The following ATL2 variants were observed in gnomAD, a reference collection of about 807,000 sequenced individuals.
ATL2 encodes the protein atlastin GTPase 2.
ATL2 carries 31 observed loss-of-function variants against 73.9 expected under a neutral mutation model. The ratio of observed to expected loss-of-function variants is 0.42; its 90% CI spans 0.32 to 0.57. The LOEUF (loss-of-function observed/expected upper bound fraction) is 0.57. ATL2 is among the 20% of genes least tolerant of loss of function. ATL2 has a pLI of 0.14. For missense variants in ATL2, 738 were observed against 702.6 expected (o/e 1.05, Z -0.57); for synonymous variants, 291 against 237.5 (o/e 1.23, Z -2.07).
intron 12 of ATL2, chr2:38,296,480 T>G (rs1439591834): frequency 6.2e-7 from 1 of 1,607,766 alleles, no homozygotes. Context: ...TTAAAAATAC[T>G]GTCTAATTTT....
intron 10 of ATL2, 79 bp downstream of exon 10, chr2:38,300,193 T>G (rs1377893426): frequency 5.4e-6 from 7 of 1,291,670 alleles, no homozygotes; most frequent in African/African-American, 1.5e-5. Context: ...ATTTTCAGCA[T>G]TTCTCTCTAA....
intron 2 of ATL2, among the ~76,000 whole-genome samples, chr2:38,328,026 AGG>A (rs2148455706): frequency 6.6e-6 from 1 of 152,368 alleles, no homozygotes; most frequent in African/African-American, 2.4e-5. Flanking sequence ...AGACAGACAC[AGG>A]TTAGAAGTAA....
chr2:38,361,248 G>T (rs1328472448), intron 1 of ATL2, among the ~76,000 whole-genome samples: 2 of 151,510 alleles, frequency 1.3e-5, no homozygotes, highest in African/African-American at 4.9e-5. Flanking sequence ...CAGCTACTAG[G>T]GAGGCTGAGG....
In ATL2 at chr2:38,367,614, A is replaced by ACC. The variant is rs1397036416; in HGVS notation, c.118+9528_118+9529insGG. On this transcript the variant is annotated intron_variant, in intron 1 of 12. Coordinates refer to ENST00000378954, the MANE Select transcript of ATL2 (RefSeq NM_001135673.4). ...CATCTCAAAAAAAAAAAAAAAAAAA[A>ACC]AACCGCCCATTTAAAACAACTTTTT... is the stretch of plus-strand genomic sequence containing the variant. 6.1e-5 allele frequency among the ~76,000 whole-genome samples: 9 copies of ACC among 147,774 alleles called. 1 individual carries two copies. The highest frequency in any genetic ancestry group is 2.0e-4 in the Admixed American group (3 of 15,036).
chr2:38,347,767 CTTTT>C (rs1177228968), intron 1 of ATL2, among the ~76,000 whole-genome samples: 5 of 133,894 alleles, frequency 3.7e-5, no homozygotes, highest in Admixed American at 1.5e-4. Context: ...CTGCCCTTAC[CTTTT>C]TTTTTTTTTT....
In ATL2 at chr2:38,375,999, T is replaced by A. The variant is rs374209740; in HGVS notation, c.118+1144A>T. The A allele has an allele frequency of 2.8e-4, 359 of 1,259,764 alleles. 4 individuals are homozygous for A. The South Asian group carries it at 7.1e-3, about 25-fold the overall frequency. The allele number at this position is 1,259,764 out of a possible 1,614,324, so 78.0% of individuals were successfully genotyped here. A position where few individuals can be genotyped will look rare whatever the true frequency, so the allele number is the denominator to read the frequency against. On this transcript the variant is annotated intron_variant, in intron 1 of 12. Coordinates refer to ENST00000378954, the MANE Select transcript of ATL2 (RefSeq NM_001135673.4). Reference sequence around the variant, plus strand: ...AAGTGAGTCCTTGTGGTTAACATCATACCAAAATGCTTTACATTTTATCCA... The same window carrying A: ...AAGTGAGTCCTTGTGGTTAACATCAAACCAAAATGCTTTACATTTTATCCA...
At chr2:38,304,613 ACTAT>A (rs1667353804) in intron 9 of ATL2, among the ~76,000 whole-genome samples, 1 of 152,230 alleles carries the variant, frequency 6.6e-6, no homozygotes, top group African/African-American at 2.4e-5. Flanking sequence ...TAGACGGTAT[ACTAT>A]CAATAGAAAC....
At chr2:38,350,420 G>A (rs2136380) in intron 1 of ATL2, among the ~76,000 whole-genome samples, 16,011 of 152,218 alleles carry the variant, frequency 0.11, 2,783 homozygotes, top group African/African-American at 0.36. Context: ...CTTAGTAAAA[G>A]GACCTGTGAT....
intron 1 of ATL2, among the ~76,000 whole-genome samples, chr2:38,368,348 G>A (rs2124489918): frequency 6.6e-6 from 1 of 151,112 alleles, no homozygotes; most frequent in Non-Finnish European, 1.5e-5. Context: ...CACCTCCCAG[G>A]TTCAAGCGAT....
rs1302580250 is a variant in ATL2, at chr2:38,295,219, T to C, written c.*775A>G. ...ATTTATAAGTCATATACATGCCCTA[T>C]CTGTGATTTTAGAAAATAAAAGCTA... On this transcript the variant is annotated 3_prime_UTR_variant, in exon 13 of 13. Coordinates refer to ENST00000378954, the MANE Select transcript of ATL2 (RefSeq NM_001135673.4). 1 of 151,986 alleles carries C rather than the reference T, an allele frequency of 6.6e-6. No individual in the cohort carries two copies. Among genetic ancestry groups the C allele is most frequent in the Non-Finnish European group, 1.5e-5 (1 of 68,016 alleles). 9.4% of individuals were successfully genotyped at this position (151,986 alleles called of 1,614,324 possible).
At chr2:38,309,751 A>G (rs1451003345) in intron 8 of ATL2, among the ~76,000 whole-genome samples, 2 of 152,162 alleles carry the variant, frequency 1.3e-5, no homozygotes, top group Admixed American at 1.3e-4. Context: ...TAACAAATAA[A>G]ACATCAATAA....
At chr2:38,325,073 T>C (rs1398931314) in intron 2 of ATL2, among the ~76,000 whole-genome samples, 1 of 152,222 alleles carries the variant, frequency 6.6e-6, no homozygotes, top group Non-Finnish European at 1.5e-5. Context: ...TTAAAAAAAG[T>C]TGCCCTTGAG....
chr2:38,354,458 T>TA (rs1023133014), intron 1 of ATL2, among the ~76,000 whole-genome samples: 2 of 152,124 alleles, frequency 1.3e-5, no homozygotes, highest in African/African-American at 2.4e-5. Flanking sequence ...TAAATGAAAT[T>TA]ACACCCTAAG....
chr2:38,314,688 T>C (rs77610409), intron 5 of ATL2, 24 bp from the exon 6 acceptor site: 40,775 of 1,477,110 alleles, frequency 0.028, 768 homozygotes, highest in African/African-American at 0.076. Flanking sequence ...TTAGTTAAAA[T>C]AATGCCTCTA....
chr2:38,319,144 TAACA>T (rs1339001291), intron 2 of ATL2, 125 bp from the exon 3 acceptor site: 1 of 1,039,738 alleles, frequency 9.6e-7, no homozygotes, highest in Non-Finnish European at 1.4e-6. Context: ...AAACACTGTG[TAACA>T]AACAAGTAGT....
At chr2:38,318,212 T>C (rs1334835536) in intron 4 of ATL2, 3 of 198,600 alleles carry the variant, frequency 1.5e-5, no homozygotes, top group Non-Finnish European at 3.0e-5. Context: ...GCTCAGTGGC[T>C]CACGCCTGTA....
chr2:38,360,281 TGGGTGTTTTGCTTATTTG>T (rs1670935343), intron 1 of ATL2, among the ~76,000 whole-genome samples: 1 of 150,742 alleles, frequency 6.6e-6, no homozygotes, highest in African/African-American at 2.5e-5. Flanking sequence ...TTTAAGATTT[TGGGTGTTTTGCTTATTTG>T]TTTTGAGATG....
chr2:38,329,827 T>C (rs548413898), intron 2 of ATL2, among the ~76,000 whole-genome samples: 3 of 151,824 alleles, frequency 2.0e-5, no homozygotes, highest in South Asian at 2.1e-4. Context: ...ATCATAACAA[T>C]AGTCTAAAGA....
intron 2 of ATL2, among the ~76,000 whole-genome samples, chr2:38,320,692 C>T (rs1000078218): frequency 5.3e-5 from 8 of 152,120 alleles, no homozygotes; most frequent in Admixed American, 3.3e-4. Flanking sequence ...ACAGGAAAAA[C>T]GCCTTTGTTT....
Sources: allele counts gnomAD v4.1 joint callset (sites outside exome capture counted in the v4.1 genomes callset), GRCh38; gene constraint gnomAD v4.1.1; transcripts MANE v1.5; gene names NCBI Gene and HGNC (gene_info 2026-07-23, HGNC 2026-07-21).